DNAH14: variants seen among roughly 807,000 people sequenced by gnomAD.
DNAH14 encodes dynein axonemal heavy chain 14, also known as axonemal beta dynein heavy chain 14.
A neutral mutation model predicts 520.9 loss-of-function variants in DNAH14; 478 were observed. The ratio of observed to expected loss-of-function variants is 0.92; its 90% CI spans 0.85 to 0.99. The LOEUF (loss-of-function observed/expected upper bound fraction) is 0.99. Among genes scored for constraint, DNAH14 ranks in the 50% least tolerant of loss-of-function variants. DNAH14 has a pLI of 0.00. For missense variants in DNAH14, 4,831 were observed against 5,234.5 expected (o/e 0.92, Z 2.38); for synonymous variants, 1,581 against 1,757.2 (o/e 0.90, Z 2.51).
intron 42 of DNAH14, 41 bp downstream of exon 42, chr1:225,231,192 T>C: frequency 7.2e-7 from 1 of 1,394,064 alleles, no homozygotes; most frequent in East Asian, 2.6e-5. Context: ...TAATAACCAT[T>C]AGGTGCCAGA....
At chr1:225,101,180 C>A (rs1262412926) in intron 23 of DNAH14, among the ~76,000 whole-genome samples, 1 of 150,686 alleles carries the variant, frequency 6.6e-6, no homozygotes, top group Non-Finnish European at 1.5e-5. Flanking sequence ...TAAGAAATGA[C>A]TTCTTTCAGG....
At chr1:225,324,598 T>G in intron 63 of DNAH14, 139 bp from the exon 64 acceptor site, 1 of 919,204 alleles carries the variant, frequency 1.1e-6, no homozygotes, top group Non-Finnish European at 1.6e-6. Flanking sequence ...TAGGCAACTT[T>G]GTACCCCACA....
chr1:225,235,235 G>T (rs2149594721), intron 42 of DNAH14, among the ~76,000 whole-genome samples: 1 of 152,220 alleles, frequency 6.6e-6, no homozygotes, highest in Non-Finnish European at 1.5e-5. Context: ...AGTTTATTGA[G>T]AGTTTTAAAC....
Position 225,043,041 on chromosome 1 carries a change from C to T in DNAH14, c.1695C>T (p.His565=). The change falls in exon 13 of 86, where the codon CAC becomes CAT. Residue 565 remains histidine, a synonymous_variant. Transcript: ENST00000682510. ...SENKDNCVKK[H]SSEELLPKAK... ...ATAAAGACAATTGTGTCAAAAAACACTCAAGTGAAGAATTGCTCCCAAAAG... is the reference window on the plus strand; with the variant it reads ...ATAAAGACAATTGTGTCAAAAAACATTCAAGTGAAGAATTGCTCCCAAAAG... 1 of 1,551,506 alleles carries T rather than the reference C, an allele frequency of 6.4e-7. No individual in the cohort carries two copies. The highest frequency in any genetic ancestry group is 8.7e-7 in the Non-Finnish European group (1 of 1,146,948).
intron 8 of DNAH14, among the ~76,000 whole-genome samples, chr1:224,982,417 A>G (rs184210910): frequency 2.0e-5 from 3 of 152,338 alleles, no homozygotes; most frequent in East Asian, 3.9e-4. Context: ...GCAATACCCA[A>G]CTGGTGCCAC....
intron 20 of DNAH14, 81 bp from the exon 21 acceptor site, chr1:225,085,463 C>T: frequency 1.6e-6 from 2 of 1,277,458 alleles, no homozygotes; most frequent in Non-Finnish European, 2.1e-6. Context: ...CCTTTCAAAA[C>T]TTGCATTTAA....
At chr1:225,179,044 C>T (rs546750679) in intron 36 of DNAH14, among the ~76,000 whole-genome samples, 2 of 152,278 alleles carry the variant, frequency 1.3e-5, no homozygotes, top group East Asian at 3.9e-4. Context: ...GCTTCCCCAG[C>T]CACGTGGAAC....
chr1:225,105,232 T>G (rs546836133), intron 23 of DNAH14, among the ~76,000 whole-genome samples: 68 of 152,332 alleles, frequency 4.5e-4, no homozygotes, highest in African/African-American at 1.1e-3. Context: ...CTAGTTTGAT[T>G]GCACTGTGGT....
chr1:225,067,162 A>G (rs1246096354), intron 17 of DNAH14, among the ~76,000 whole-genome samples: 2 of 151,860 alleles, frequency 1.3e-5, no homozygotes, highest in African/African-American at 2.4e-5. Flanking sequence ...GTTCCCCTCT[A>G]TGTGTCCATG....
chr1:225,094,143 G>A (rs1200573946), intron 21 of DNAH14, among the ~76,000 whole-genome samples: 3 of 151,982 alleles, frequency 2.0e-5, no homozygotes, highest in Non-Finnish European at 1.5e-5. Flanking sequence ...AAATTCATAT[G>A]GAACCAAAAA....
At chr1:224,943,955 G>A (rs144350968) in intron 1 of DNAH14, among the ~76,000 whole-genome samples, 5,389 of 152,204 alleles carry the variant, frequency 0.035, 303 homozygotes, top group African/African-American at 0.12. Flanking sequence ...GTGGTGCTGA[G>A]AAGAATGTAT....
At chr1:225,198,830 G>C (rs2086465932) in intron 38 of DNAH14, among the ~76,000 whole-genome samples, 1 of 152,080 alleles carries the variant, frequency 6.6e-6, no homozygotes, top group South Asian at 2.1e-4. Flanking sequence ...CCTGGTTTTG[G>C]TATTAGGGTG....
At chr1:225,275,050 G>A (rs1034999216) in intron 52 of DNAH14, among the ~76,000 whole-genome samples, 1 of 152,196 alleles carries the variant, frequency 6.6e-6, no homozygotes, top group Non-Finnish European at 1.5e-5. Flanking sequence ...ACCGAGCAGA[G>A]TAAGATTAAG....
chr1:225,095,085 G>T, intron 21 of DNAH14, among the ~76,000 whole-genome samples: 1 of 150,590 alleles, frequency 6.6e-6, no homozygotes, highest in African/African-American at 2.4e-5. Flanking sequence ...GTAAATTAGT[G>T]TGGTGATTTC....
At chr1:224,997,481 T>C (rs909568076) in intron 8 of DNAH14, among the ~76,000 whole-genome samples, 1 of 152,130 alleles carries the variant, frequency 6.6e-6, no homozygotes, top group African/African-American at 2.4e-5. Context: ...GGTTCTGTGT[T>C]CTGTGGTCCA....
intron 36 of DNAH14, among the ~76,000 whole-genome samples, chr1:225,182,654 G>A (rs975105895): frequency 3.3e-5 from 5 of 152,118 alleles, no homozygotes; most frequent in Non-Finnish European, 7.4e-5. Context: ...GAAAGATTCT[G>A]TCCACTTGAG....
intron 19 of DNAH14, among the ~76,000 whole-genome samples, chr1:225,081,974 TA>T (rs1010965432): frequency 6.6e-6 from 1 of 152,062 alleles, no homozygotes; most frequent in African/African-American, 2.4e-5. Context: ...TACCAAAATT[TA>T]AAAAACCCAA....
intron 9 of DNAH14, 116 bp from the exon 10 acceptor site, chr1:225,007,297 A>G (rs1170992784): frequency 1.2e-6 from 1 of 817,108 alleles, no homozygotes. Context: ...TAGGATATAC[A>G]GAAGAAAATG....
chr1:225,213,747 A>G lies in DNAH14; in HGVS notation c.6439+6527A>G, dbSNP rs372978464. On this transcript the variant is annotated intron_variant, in intron 41 of 85. Coordinates refer to ENST00000682510, the MANE Select transcript of DNAH14 (RefSeq NM_001367479.1). ...GTATAGGAATGCTTGTGATTTTTGC[A>G]TATTGATTTTGTATTGTGAGACTTT... is the stretch of plus-strand genomic sequence containing the variant. Among the ~76,000 whole-genome samples, 81 of 152,186 alleles carry G rather than the reference A, an allele frequency of 5.3e-4. 3 individuals carry two copies. In the South Asian group the frequency reaches 0.016, roughly 31 times the overall value.
Sources: allele counts gnomAD v4.1 joint callset (sites outside exome capture counted in the v4.1 genomes callset), GRCh38; gene constraint gnomAD v4.1.1; transcripts MANE v1.5; gene names NCBI Gene and HGNC (gene_info 2026-07-23, HGNC 2026-07-21).